Variants in MMS22L observed in about 807,000 individuals in gnomAD.
MMS22L encodes MMS22 like, DNA repair protein.
Under a neutral mutation model 159.1 loss-of-function variants are expected in MMS22L, and 74 were observed. The observed-to-expected ratio is 0.47, with a 90% CI of 0.39 to 0.56. The LOEUF is 0.56. Ranked by LOEUF, MMS22L falls within the 20% of genes least tolerant of loss-of-function variation. The pLI, the probability that MMS22L is intolerant of heterozygous loss-of-function variation, is 0.00. For missense variants in MMS22L, 1,351 were observed against 1,422.1 expected (o/e 0.95, Z 0.80); for synonymous variants, 517 against 506.9 (o/e 1.02, Z -0.27).
intron 24 of MMS22L, among the ~76,000 whole-genome samples, chr6:97,147,264 T>G (rs1427421298): frequency 6.6e-6 from 1 of 152,174 alleles, no homozygotes; most frequent in Non-Finnish European, 1.5e-5. Context: ...AAAACAAAAA[T>G]TCTGTAACCA....
intron 9 of MMS22L, among the ~76,000 whole-genome samples, chr6:97,255,889 CTTT>C (rs368486574): frequency 1.3e-5 from 2 of 152,004 alleles, no homozygotes; most frequent in African/African-American, 2.4e-5. Context: ...CAACTTAATG[CTTT>C]TTTGTTTTAA....
intron 14 of MMS22L, among the ~76,000 whole-genome samples, chr6:97,203,004 G>C (rs192081557): frequency 1.3e-5 from 2 of 152,072 alleles, no homozygotes; most frequent in Non-Finnish European, 2.9e-5. Flanking sequence ...AAAAATAATT[G>C]CTTTGTACAA....
chr6:97,251,963 G>A lies in MMS22L; in HGVS notation c.1119+2594C>T, dbSNP rs112452492. On this transcript the variant is annotated intron_variant, in intron 10 of 24. Coordinates refer to ENST00000683635, the MANE Select transcript of MMS22L (RefSeq NM_001350599.2). ...CCAGGCGTGGTGGCCGGCACCTGTA[G>A]TCCCAACTACTCAGGAGGCAGAGGC... Among the ~76,000 whole-genome samples, 1,097 of 152,018 alleles carry A rather than the reference G, an allele frequency of 7.2e-3. 15 individuals are homozygous for A. The highest frequency in any genetic ancestry group is 0.025 in the African/African-American group (1,026 of 41,472).
chr6:97,263,310 C>A (rs1814695783), intron 9 of MMS22L, 25 bp downstream of exon 9: 3 of 1,378,074 alleles, frequency 2.2e-6, no homozygotes, highest in African/African-American at 1.5e-5. Flanking sequence ...GTAACAATAA[C>A]CAACACATCA....
intron 14 of MMS22L, among the ~76,000 whole-genome samples, chr6:97,203,627 G>A (rs964580763): frequency 6.6e-6 from 1 of 152,146 alleles, no homozygotes; most frequent in South Asian, 2.1e-4. Flanking sequence ...AACCACTGAG[G>A]AGGCAGCTGT....
intron 4 of MMS22L, 32 bp from the exon 5 acceptor site, chr6:97,273,094 T>C: frequency 6.5e-7 from 1 of 1,543,970 alleles, no homozygotes; most frequent in Non-Finnish European, 8.8e-7. Context: ...TTAATCATAG[T>C]TCAAATAATT....
intron 14 of MMS22L, among the ~76,000 whole-genome samples, chr6:97,201,215 A>G (rs1340138891): frequency 6.6e-6 from 1 of 152,162 alleles, no homozygotes; most frequent in Non-Finnish European, 1.5e-5. Context: ...ATGTAATAAT[A>G]AAGTATTTCC....
intron 14 of MMS22L, among the ~76,000 whole-genome samples, chr6:97,208,296 G>A (rs1808002370): frequency 6.6e-6 from 1 of 151,988 alleles, no homozygotes; most frequent in Non-Finnish European, 1.5e-5. Flanking sequence ...CTTAAAGTTT[G>A]CTTAAAGTTC....
chr6:97,281,471 A>C, intron 2 of MMS22L, 109 bp from the exon 3 acceptor site: 1 of 904,316 alleles, frequency 1.1e-6, no homozygotes, highest in South Asian at 1.9e-5. Flanking sequence ...ATGTATAAAA[A>C]GTCAGAAAAT....
At chr6:97,186,451 A>C in intron 15 of MMS22L, 46 bp downstream of exon 15, 1 of 1,532,704 alleles carries the variant, frequency 6.5e-7, no homozygotes, top group Non-Finnish European at 8.9e-7. Context: ...ATACTGACAA[A>C]GAGTCTGCAA....
Position 97,204,455 on chromosome 6 carries a change from C to T in MMS22L, c.2040-17765G>A, listed in dbSNP as rs562545016. ...AACAGTGAACGTGAAAGAAATGAAA[C>T]CCAAAACAAATGCATAGAGCTATAA... On this transcript the variant is annotated intron_variant, in intron 14 of 24. Transcript: ENST00000683635. Among the ~76,000 whole-genome samples the T allele has an allele frequency of 1.2e-4, 19 of 152,210 alleles. No individual in the cohort carries two copies. The East Asian group carries it at 3.7e-3, about 29-fold the overall frequency.
chr6:97,170,578 G>A (rs11757657), intron 19 of MMS22L, among the ~76,000 whole-genome samples: 2,376 of 151,756 alleles, frequency 0.016, 37 homozygotes, highest in Middle Eastern at 0.031. Context: ...ACAAGCTCTT[G>A]AGTATTTACT....
intron 10 of MMS22L, among the ~76,000 whole-genome samples, chr6:97,251,555 T>C (rs1462593189): frequency 6.6e-6 from 1 of 152,244 alleles, no homozygotes; most frequent in Non-Finnish European, 1.5e-5. Flanking sequence ...ACATATATAT[T>C]ACACATCCTC....
rs1800922074 is a variant in MMS22L at position 97,146,234 on chromosome 6, C to A, written c.*572G>T. ...AGCTGTATAATCCTTTAGCCAGATTCAGTCTCATTCCTAACACAGTTAAGT... is the reference window on the plus strand; with the variant it reads ...AGCTGTATAATCCTTTAGCCAGATTAAGTCTCATTCCTAACACAGTTAAGT... On this transcript the variant is annotated 3_prime_UTR_variant, in exon 25 of 25. Coordinates refer to ENST00000683635, the MANE Select transcript of MMS22L (RefSeq NM_001350599.2). The A allele has an allele frequency of 6.6e-6, 1 of 152,008 alleles. No homozygotes were observed. The highest frequency in any genetic ancestry group is 2.4e-5 in the African/African-American group (1 of 41,408). The allele number at this position is 152,008 out of a possible 1,614,324, so 9.4% of individuals were successfully genotyped here.
At chr6:97,211,524 A>C (rs1397539352) in intron 14 of MMS22L, among the ~76,000 whole-genome samples, 3 of 152,130 alleles carry the variant, frequency 2.0e-5, no homozygotes, top group Admixed American at 2.0e-4. Context: ...TCAAAAGTGT[A>C]ATGCATTAGA....
intron 11 of MMS22L, among the ~76,000 whole-genome samples, chr6:97,236,561 G>T (rs1462366660): frequency 6.6e-6 from 1 of 152,122 alleles, no homozygotes; most frequent in Non-Finnish European, 1.5e-5. Context: ...AAGGGCTATG[G>T]AATTAAAGAT....
intron 22 of MMS22L, among the ~76,000 whole-genome samples, chr6:97,158,532 A>C: frequency 6.6e-6 from 1 of 152,132 alleles, no homozygotes; most frequent in East Asian, 1.9e-4. Context: ...ACTGGTTTCA[A>C]AGAACATCTT....
chr6:97,186,726 T>C (rs1284925243), intron 14 of MMS22L, 36 bp from the exon 15 acceptor site: 1 of 1,380,350 alleles, frequency 7.2e-7, no homozygotes, highest in Admixed American at 2.8e-5. Flanking sequence ...ACACCCTTAA[T>C]AAATGCTTAC....
chr6:97,245,884 C>CACAT, intron 11 of MMS22L: 1 of 198,932 alleles, frequency 5.0e-6, no homozygotes, highest in South Asian at 6.2e-5. Context: ...CACACACACA[C>CACAT]ACACACATAT....
Sources: gnomAD v4.1 joint callset for allele counts (sites outside exome capture counted in the v4.1 genomes callset) on GRCh38, gnomAD v4.1.1 for gene constraint, MANE v1.5 for transcripts, NCBI Gene and HGNC (gene_info 2026-07-23, HGNC 2026-07-21) for gene names.